Variants in RAB28 observed in about 807,000 individuals in gnomAD.
RAB28 encodes the protein ras-related protein Rab-28.
A neutral mutation model predicts 31.7 loss-of-function variants in RAB28; 24 were observed. The observed-to-expected ratio is 0.76, with a 90% CI of 0.55 to 1.06. The LOEUF is 1.06. Among genes scored for constraint, RAB28 ranks in the 50% least tolerant of loss-of-function variants. The pLI is 0.00. For missense variants in RAB28, 254 were observed against 258.5 expected, an observed-to-expected ratio of 0.98 and a Z score of 0.12; for synonymous variants, 100 against 90.4, an observed-to-expected ratio of 1.11 and a Z score of -0.60.
chr4:13,369,686 A>T (rs1259915334), intron 6 of RAB28, among the ~76,000 whole-genome samples: 1 of 152,088 alleles, frequency 6.6e-6, no homozygotes, highest in Non-Finnish European at 1.5e-5. Flanking sequence ...CCAATTTCTT[A>T]ATTCATGTCT....
intron 4 of RAB28, among the ~76,000 whole-genome samples, chr4:13,391,226 C>T (rs1729614908): frequency 6.6e-6 from 1 of 152,010 alleles, no homozygotes; most frequent in Admixed American, 6.5e-5. Context: ...ACAAACAACC[C>T]CATCAAAAAG....
intron 4 of RAB28, among the ~76,000 whole-genome samples, chr4:13,433,871 T>A (rs777464223): frequency 6.6e-6 from 1 of 152,168 alleles, no homozygotes; most frequent in Non-Finnish European, 1.5e-5. Flanking sequence ...CATATGCTCA[T>A]TGAAGCCCTG....
chr4:13,419,008 C>G (rs1712959092), intron 4 of RAB28, among the ~76,000 whole-genome samples: 1 of 152,228 alleles, frequency 6.6e-6, no homozygotes, highest in Non-Finnish European at 1.5e-5. Context: ...GGAGACCCAT[C>G]TCACGTGCAG....
At chr4:13,373,883 C>T (rs1276719699) in intron 6 of RAB28, among the ~76,000 whole-genome samples, 1 of 151,884 alleles carries the variant, frequency 6.6e-6, no homozygotes, top group Admixed American at 6.6e-5. Flanking sequence ...CCTTGAATCC[C>T]CCCAGTAATC....
rs541758931 is a variant in RAB28, at chr4:13,376,481, G to A, written c.573+64C>T. On this transcript the variant is annotated intron_variant, in intron 6 of 6. Transcript: ENST00000330852. ...AGGCATAAATGGGAAAGAATTTATG[G>A]GTGAAAATTAATGCCTTGTAAGAAA... 97 of 1,206,086 alleles carry A rather than the reference G, an allele frequency of 8.0e-5. No homozygotes were observed. The East Asian group carries it at 2.3e-3, about 29-fold the overall frequency. 74.7% of individuals were successfully genotyped at this position (1,206,086 alleles called of 1,614,324 possible).
chr4:13,428,590 T>A (rs1418407081), intron 4 of RAB28, among the ~76,000 whole-genome samples: 1 of 152,080 alleles, frequency 6.6e-6, no homozygotes, highest in Non-Finnish European at 1.5e-5. Flanking sequence ...AATCAGAGGA[T>A]TTGAAGATAG....
intron 4 of RAB28, among the ~76,000 whole-genome samples, chr4:13,385,490 CT>C (rs758441666): frequency 6.6e-6 from 1 of 152,128 alleles, no homozygotes; most frequent in East Asian, 1.9e-4. Flanking sequence ...GCCCATAAGA[CT>C]AACAGACCTC....
chr4:13,388,912 T>A lies in RAB28; in HGVS notation c.392-7318A>T, dbSNP rs896392257. Among the ~76,000 whole-genome samples, 3 of 152,188 alleles carry A rather than the reference T, an allele frequency of 2.0e-5. No individual in the cohort carries two copies. The East Asian group carries it at 5.8e-4, about 29-fold the overall frequency. ...ATGGGGTTTCTGAGAAAGTTAAACATAGAACGACTGTATGATCCAGTAATC... is the reference window on the plus strand; with the variant it reads ...ATGGGGTTTCTGAGAAAGTTAAACAAAGAACGACTGTATGATCCAGTAATC... On this transcript the variant is annotated intron_variant, in intron 4 of 6. Transcript: ENST00000330852.
intron 4 of RAB28, among the ~76,000 whole-genome samples, chr4:13,386,945 A>C (rs2108886963): frequency 6.6e-6 from 1 of 152,220 alleles, no homozygotes; most frequent in South Asian, 2.1e-4. Flanking sequence ...CCTTTGTGGG[A>C]ACATGGATGG....
At chr4:13,460,456 T>TC (rs1455224093) in intron 4 of RAB28, among the ~76,000 whole-genome samples, 4 of 152,088 alleles carry the variant, frequency 2.6e-5, no homozygotes, top group Non-Finnish European at 5.9e-5. Flanking sequence ...CCTCAAGCAA[T>TC]CCCCCTGCCT....
At chr4:13,476,214 C>T (rs1716352932) in intron 2 of RAB28, among the ~76,000 whole-genome samples, 1 of 151,444 alleles carries the variant, frequency 6.6e-6, no homozygotes, top group African/African-American at 2.4e-5. Flanking sequence ...GGAACATGAT[C>T]TTCATTACAT....
At chr4:13,443,293 C>T (rs1207301062) in intron 4 of RAB28, among the ~76,000 whole-genome samples, 1 of 152,048 alleles carries the variant, frequency 6.6e-6, no homozygotes, top group Non-Finnish European at 1.5e-5. Context: ...CCTGCCTCAG[C>T]CTCCTGAGTA....
intron 4 of RAB28, among the ~76,000 whole-genome samples, chr4:13,432,711 TAA>T (rs1044592656): frequency 6.6e-6 from 1 of 151,896 alleles, no homozygotes; most frequent in African/African-American, 2.4e-5. Flanking sequence ...AAAGGAGAAA[TAA>T]AGTTTTTCTA....
At chr4:13,432,849 G>A (rs112120601) in intron 4 of RAB28, among the ~76,000 whole-genome samples, 3 of 151,986 alleles carry the variant, frequency 2.0e-5, no homozygotes, top group African/African-American at 7.2e-5. Flanking sequence ...ACACTTTAGA[G>A]CAATTACACA....
At chr4:13,459,896 G>A (rs1038141656) in intron 4 of RAB28, 19 of 1,289,184 alleles carry the variant, frequency 1.5e-5, no homozygotes, top group East Asian at 5.5e-5. Context: ...CTGTGTTGCT[G>A]TTCTTCATAA....
rs139761647 is a variant in RAB28, at chr4:13,367,813, T to A, written c.*745A>T. 5.3e-3 allele frequency: 5,223 copies of A among 984,960 alleles called. 21 individuals carry two copies. The highest frequency in any genetic ancestry group is 0.022 in the South Asian group (475 of 21,284). 61.0% of individuals were successfully genotyped at this position (984,960 alleles called of 1,614,324 possible). On this transcript the variant is annotated 3_prime_UTR_variant, in exon 7 of 7. Coordinates refer to ENST00000330852, the MANE Select transcript of RAB28 (RefSeq NM_001017979.3). ...TGTCATAACTCATTCTCGGGAGTAC[T>A]CTTATGCAGTTTGCAAGAGAAATTC...
chr4:13,434,730 C>T (rs76478568), intron 4 of RAB28, among the ~76,000 whole-genome samples: 8,519 of 151,928 alleles, frequency 0.056, 546 homozygotes, highest in African/African-American at 0.16. Context: ...AATTAGAAAA[C>T]AACACAGGCC....
intron 4 of RAB28, among the ~76,000 whole-genome samples, chr4:13,425,442 C>T (rs1367774010): frequency 6.6e-6 from 1 of 152,062 alleles, no homozygotes; most frequent in Non-Finnish European, 1.5e-5. Flanking sequence ...AAGTCCTTCA[C>T]AATAATTTAA....
chr4:13,449,999 T>C (rs974104113), intron 4 of RAB28, among the ~76,000 whole-genome samples: 3 of 151,874 alleles, frequency 2.0e-5, no homozygotes, highest in African/African-American at 7.2e-5. Flanking sequence ...CAAATTAAAA[T>C]GCCATGTGGT....
Sources: gnomAD v4.1 joint callset for allele counts (sites outside exome capture counted in the v4.1 genomes callset) on GRCh38, gnomAD v4.1.1 for gene constraint, MANE v1.5 for transcripts, NCBI Gene and HGNC (gene_info 2026-07-23, HGNC 2026-07-21) for gene names.